ELAVL4: variants seen among roughly 807,000 people sequenced by gnomAD.
ELAVL4 encodes ELAV-like protein 4.
In ELAVL4, 1 loss-of-function variant was observed where a neutral mutation model predicts 35.6. The observed-to-expected ratio is 0.03, with a 90% confidence interval of 0.01 to 0.13. The LOEUF (loss-of-function observed/expected upper bound fraction) is 0.13. ELAVL4 is among the 10% of genes least tolerant of loss of function. The pLI is 1.00. For missense variants in ELAVL4, 267 were observed against 464.9 expected (o/e 0.57, Z 3.91); for synonymous variants, 156 against 171.0 (o/e 0.91, Z 0.69).
At chr1:50,058,843 A>G (rs1489970415) in intron 1 of ELAVL4, among the ~76,000 whole-genome samples, 1 of 151,930 alleles carries the variant, frequency 6.6e-6, no homozygotes, top group Non-Finnish European at 1.5e-5. Context: ...GGCTCAAGCA[A>G]TCCATCCCCC....
At chr1:50,174,477 GT>G (rs1270474355) in intron 2 of ELAVL4, 1 of 141,700 alleles carries the variant, frequency 7.1e-6, no homozygotes, top group African/African-American at 2.6e-5. Flanking sequence ...ATGTTCATCT[GT>G]TTTTTGTTTG....
At chr1:50,050,949 A>T (rs371017733) in intron 1 of ELAVL4, among the ~76,000 whole-genome samples, 6 of 152,266 alleles carry the variant, frequency 3.9e-5, no homozygotes, top group Non-Finnish European at 5.9e-5. Context: ...TTAGTTTTTA[A>T]GTTGATATAT....
chr1:50,075,337 T>G (rs768491799), intron 1 of ELAVL4, among the ~76,000 whole-genome samples: 6 of 152,194 alleles, frequency 3.9e-5, no homozygotes, highest in Non-Finnish European at 8.8e-5. Context: ...TAAATGAAAA[T>G]TTTGAAGCAT....
chr1:50,088,070 G>T (rs1007807788), intron 1 of ELAVL4, among the ~76,000 whole-genome samples: 3 of 152,208 alleles, frequency 2.0e-5, no homozygotes, highest in Admixed American at 1.3e-4. Context: ...TTGAGGCTCT[G>T]TGTGCCTTTT....
intron 1 of ELAVL4, among the ~76,000 whole-genome samples, chr1:50,053,228 T>TA (rs1043030268): frequency 2.0e-5 from 3 of 152,274 alleles, no homozygotes; most frequent in African/African-American, 4.8e-5. Flanking sequence ...CTATTATATT[T>TA]AAAATATAAC....
chr1:50,071,546 A>T (rs1230894008), intron 1 of ELAVL4, among the ~76,000 whole-genome samples: 1 of 152,218 alleles, frequency 6.6e-6, no homozygotes, highest in Non-Finnish European at 1.5e-5. Context: ...AGCCACATAC[A>T]CAAAAGATGC....
In ELAVL4 at chr1:50,061,806, T is replaced by G. The variant is rs571512538; in HGVS notation, c.18+13624T>G. On this transcript the variant is annotated intron_variant, in intron 1 of 6. Coordinates refer to the ELAVL4 transcript ENST00000448907. ...TTTATTTCAGAGCTCTCCATTAGGT[T>G]GGCAGGCCTTTGTCTGATTTGCCTC... Among the ~76,000 whole-genome samples the G allele has an allele frequency of 2.0e-5, 3 of 152,206 alleles. No individual in the cohort carries two copies. In the South Asian group the frequency reaches 6.2e-4, roughly 32 times the overall value.
chr1:50,162,344 A>G (rs1676942447), intron 2 of ELAVL4, among the ~76,000 whole-genome samples: 1 of 152,220 alleles, frequency 6.6e-6, no homozygotes, highest in African/African-American at 2.4e-5. Context: ...TGTGGGTCAT[A>G]ATAAGACTCA....
At chr1:50,059,567 G>A (rs546242700) in intron 1 of ELAVL4, among the ~76,000 whole-genome samples, 67 of 151,556 alleles carry the variant, frequency 4.4e-4, no homozygotes, top group Admixed American at 1.4e-3. Context: ...AAAAAAAACC[G>A]TTGGAGAAAA....
chr1:50,120,485 GT>G (rs1287156184), intron 1 of ELAVL4, among the ~76,000 whole-genome samples: 1 of 152,090 alleles, frequency 6.6e-6, no homozygotes, highest in Non-Finnish European at 1.5e-5. Flanking sequence ...GGAAGGTTCA[GT>G]TGTTTTGACT....
intron 1 of ELAVL4, among the ~76,000 whole-genome samples, chr1:50,049,984 G>A (rs1663269044): frequency 6.6e-6 from 1 of 152,148 alleles, no homozygotes; most frequent in South Asian, 2.1e-4. Context: ...TGTGTGCTTT[G>A]GGTTGACAGA....
chr1:50,085,179 C>G (rs1343450892), intron 1 of ELAVL4, among the ~76,000 whole-genome samples: 1 of 152,184 alleles, frequency 6.6e-6, no homozygotes, highest in African/African-American at 2.4e-5. Flanking sequence ...AAAGTCTTAG[C>G]TATTTTGATA....
At chr1:50,099,738 T>C (rs1011916179), upstream of ELAVL4, among the ~76,000 whole-genome samples, 1 of 152,176 alleles carries the variant, frequency 6.6e-6, no homozygotes, top group Admixed American at 6.5e-5. Flanking sequence ...TTTGGGACTT[T>C]AGCAGACAAT....
intron 1 of ELAVL4, among the ~76,000 whole-genome samples, chr1:50,064,694 AT>A (rs1206596076): frequency 2.0e-5 from 3 of 152,204 alleles, no homozygotes; most frequent in Admixed American, 6.5e-5. Context: ...CCCACAGAGA[AT>A]TTCCCATCCT....
intron 1 of ELAVL4, among the ~76,000 whole-genome samples, chr1:50,113,111 G>C (rs1667348177): frequency 6.6e-6 from 1 of 152,014 alleles, no homozygotes; most frequent in African/African-American, 2.4e-5. Flanking sequence ...TTTGAATGGT[G>C]CTTTGTATGT....
intron 4 of ELAVL4, 137 bp from the exon 5 acceptor site, chr1:50,195,424 A>C: frequency 2.3e-6 from 2 of 869,948 alleles, no homozygotes; most frequent in African/African-American, 1.7e-5. Context: ...GGTGAGAGAG[A>C]TCAGGGAGCT....
intron 2 of ELAVL4, among the ~76,000 whole-genome samples, chr1:50,165,592 A>G (rs1279140374): frequency 2.7e-5 from 4 of 148,020 alleles, no homozygotes; most frequent in Non-Finnish European, 6.0e-5. Flanking sequence ...ATGTATACAT[A>G]TATACGTGTA....
intron 1 of ELAVL4, among the ~76,000 whole-genome samples, chr1:50,094,908 C>T (rs1348642224): frequency 4.0e-5 from 6 of 151,700 alleles, no homozygotes; most frequent in South Asian, 2.1e-4. Flanking sequence ...CTATCCTGGG[C>T]GACGGAGTGA....
At chr1:50,119,450 A>C (rs1401024616) in intron 1 of ELAVL4, among the ~76,000 whole-genome samples, 1 of 152,094 alleles carries the variant, frequency 6.6e-6, no homozygotes, top group Admixed American at 6.6e-5. Flanking sequence ...TATTCTTAGG[A>C]CCTTCTTGCT....
Sources: allele counts gnomAD v4.1 joint callset (sites outside exome capture counted in the v4.1 genomes callset), GRCh38; gene constraint gnomAD v4.1.1; transcripts MANE v1.5; gene names NCBI Gene and HGNC (gene_info 2026-07-23, HGNC 2026-07-21).